The following NEK4 variants were observed in gnomAD, a reference collection of about 807,000 sequenced individuals.
The protein encoded by NEK4 is NIMA related kinase 4, also known as serine/threonine-protein kinase Nek4.
A neutral mutation model predicts 98.4 loss-of-function variants in NEK4; 86 were observed. The observed-to-expected ratio is 0.87, with a 90% CI of 0.73 to 1.05. NEK4 has a LOEUF of 1.05. Ranked by LOEUF, NEK4 falls within the 50% of genes least tolerant of loss-of-function variation. NEK4 has a pLI of 0.00. For missense variants in NEK4, 898 were observed against 950.3 expected (o/e 0.94, Z 0.72); for synonymous variants, 328 against 342.2 (o/e 0.96, Z 0.46).
chr3:52,737,797 T>C, intron 14 of NEK4, 78 bp from the exon 15 acceptor site: 1 of 1,056,262 alleles, frequency 9.5e-7, no homozygotes, highest in East Asian at 2.7e-5. Flanking sequence ...TTTTTTAAAA[T>C]TTTGTATTTT....
chr3:52,753,800 G>T (rs540348865), intron 6 of NEK4: 161 of 495,842 alleles, frequency 3.2e-4, no homozygotes, highest in African/African-American at 2.6e-3. Context: ...GTTATTAGGT[G>T]TCTATGTGCA....
At chr3:52,764,207 A>C (rs1322822455) in intron 4 of NEK4, among the ~76,000 whole-genome samples, 6 of 151,876 alleles carry the variant, frequency 4.0e-5, no homozygotes, top group Non-Finnish European at 8.8e-5. Context: ...GAATTGCTTG[A>C]ACCAGAGAGG....
intron 1 of NEK4, 101 bp from the exon 2 acceptor site, chr3:52,768,705 T>C (rs531742259): frequency 9.9e-7 from 1 of 1,010,242 alleles, no homozygotes; most frequent in African/African-American, 1.6e-5. Context: ...AAACCAACCT[T>C]GTGGAGCCTG....
In NEK4 at chr3:52,746,749, G is replaced by A. The variant is rs2097396733; in HGVS notation, c.1662C>T (p.Arg554=). ...TEHRGEKRQV[R]RDLFAFQESP... ...AATGACTTACAGCAAAGAGATCTCT[G>A]CGGACCTGTCTCTTTTCCCCTCTGT... is the stretch of plus-strand genomic sequence containing the variant. The change falls in exon 9 of 16, where the codon CGC becomes CGT. Residue 554 remains arginine (R), a synonymous_variant. Coordinates refer to ENST00000233027, the MANE Select transcript of NEK4 (RefSeq NM_003157.6). The A allele has an allele frequency of 2.5e-6, 4 of 1,613,280 alleles. No individual in the cohort carries two copies. In the African/African-American group the frequency reaches 4.0e-5, roughly 16 times the overall value.
chr3:52,751,883 T>C, intron 7 of NEK4, 49 bp downstream of exon 7: 1 of 1,536,058 alleles, frequency 6.5e-7, no homozygotes, highest in South Asian at 1.2e-5. Flanking sequence ...GTAACTGCAC[T>C]TTCAGTCTTC....
In NEK4 at chr3:52,739,420, G is replaced by A. The variant is rs570075415; in HGVS notation, c.2299+9C>T. 74 of 1,610,838 alleles carry A rather than the reference G, an allele frequency of 4.6e-5. No individual in the cohort carries two copies. In the East Asian group the frequency reaches 1.4e-3, roughly 31 times the overall value. ...TCTAAAAAACAAAAAATAATAATAAGCTGATCACCTGAAGGTAGCTCTTTA... is the reference window on the plus strand; with the variant it reads ...TCTAAAAAACAAAAAATAATAATAAACTGATCACCTGAAGGTAGCTCTTTA... On this transcript the variant is annotated intron_variant, in intron 14 of 15. Coordinates refer to ENST00000233027, the MANE Select transcript of NEK4 (RefSeq NM_003157.6).
At chr3:52,733,523 C>A in intron 15 of NEK4, 1 of 484,286 alleles carries the variant, frequency 2.1e-6, no homozygotes, top group South Asian at 1.6e-5. Flanking sequence ...GCAGAAAAAC[C>A]TTACACACGT....
chr3:52,722,361 A>G (rs1342753905), intron 15 of NEK4, among the ~76,000 whole-genome samples: 2 of 152,178 alleles, frequency 1.3e-5, no homozygotes, highest in Non-Finnish European at 2.9e-5. Flanking sequence ...GCACACCAGC[A>G]TGGCTGAGCG....
chr3:52,760,740 G>T, intron 6 of NEK4, 55 bp downstream of exon 6: 1 of 1,224,630 alleles, frequency 8.2e-7, no homozygotes, highest in Non-Finnish European at 1.2e-6. Context: ...TGCTTAGATG[G>T]CCCATTTTTC....
intron 15 of NEK4, among the ~76,000 whole-genome samples, chr3:52,730,710 T>A (rs1305359996): frequency 6.6e-6 from 1 of 152,192 alleles, no homozygotes; most frequent in African/African-American, 2.4e-5. Context: ...TATGCAGGAT[T>A]GGTGTTCTTT....
chr3:52,713,469 A>G (rs1398143676), intron 15 of NEK4, among the ~76,000 whole-genome samples: 1 of 68,514 alleles, frequency 1.5e-5, no homozygotes, highest in African/African-American at 3.6e-5. Flanking sequence ...GCTGCAAAAA[A>G]TAAAATAAAC....
chr3:52,766,102 C>G, intron 3 of NEK4, 76 bp downstream of exon 3: 11 of 1,468,640 alleles, frequency 7.5e-6, no homozygotes, highest in Non-Finnish European at 1.0e-5. Flanking sequence ...AGATAATTCT[C>G]TGACTTAATT....
In NEK4 at chr3:52,770,798, A is replaced by G; in HGVS notation, c.-52T>C. ...ATGCGGCGGCAGCGGCGGGTAGGGC[A>G]GCGGGCGGCAACAAGAAGCTCGGTT... On this transcript the variant is annotated 5_prime_UTR_variant, in exon 1 of 16. Coordinates refer to ENST00000233027, the MANE Select transcript of NEK4 (RefSeq NM_003157.6). 1 of 1,481,318 alleles carries G rather than the reference A, an allele frequency of 6.8e-7. No individual in the cohort carries two copies. The highest frequency in any genetic ancestry group is 9.1e-7 in the Non-Finnish European group (1 of 1,093,080). 91.8% of individuals were successfully genotyped at this position (1,481,318 alleles called of 1,614,324 possible).
chr3:52,749,969 A>T (rs1337053509), intron 7 of NEK4, 140 bp from the exon 8 acceptor site: 1 of 152,708 alleles, frequency 6.5e-6, no homozygotes, highest in African/African-American at 2.4e-5. Flanking sequence ...ATGGATGCAG[A>T]TAAACTGGAA....
intron 15 of NEK4, among the ~76,000 whole-genome samples, chr3:52,714,427 C>T (rs2154101795): frequency 6.6e-6 from 1 of 152,330 alleles, no homozygotes; most frequent in East Asian, 1.9e-4. Flanking sequence ...TGCAGAAGAG[C>T]AGTGGCACCA....
rs766749744 is a variant in NEK4, at chr3:52,770,753, A to C, written c.-7T>G. The C allele has an allele frequency of 6.4e-7, 1 of 1,558,094 alleles. No homozygotes were observed. The highest frequency in any genetic ancestry group is 8.7e-7 in the Non-Finnish European group (1 of 1,152,232). On this transcript the variant is annotated 5_prime_UTR_variant, in exon 1 of 16. Coordinates refer to ENST00000233027, the MANE Select transcript of NEK4 (RefSeq NM_003157.6). Reference sequence around the variant, plus strand: ...AGTAGGCGGCCAGGGGCATGTTCCCAGCGCTGGCCCAGAGTCGGGATGCGG... The same window carrying C: ...AGTAGGCGGCCAGGGGCATGTTCCCCGCGCTGGCCCAGAGTCGGGATGCGG...
intron 7 of NEK4, among the ~76,000 whole-genome samples, chr3:52,750,255 A>G (rs2097402873): frequency 6.6e-6 from 1 of 152,132 alleles, no homozygotes; most frequent in African/African-American, 2.4e-5. Context: ...TGGATGAATA[A>G]AATATATATA....
chr3:52,728,147 C>T (rs534019899), intron 15 of NEK4, among the ~76,000 whole-genome samples: 17 of 152,260 alleles, frequency 1.1e-4, no homozygotes, highest in East Asian at 9.6e-4. Flanking sequence ...CTTACACAGG[C>T]GGATCACTTG....
rs189287859 is a variant in NEK4, at chr3:52,749,729, C to T, written c.1469G>A (p.Arg490Gln). 1.6e-3 allele frequency: 359 copies of T among 224,002 alleles called. 1 individual carries two copies. The highest frequency in any genetic ancestry group is 0.011 in the Admixed American group (207 of 18,230). The allele number at this position is 224,002 out of a possible 1,614,324, so 13.9% of individuals were successfully genotyped here. The change falls in exon 8 of 16, where the codon CGA (arginine) becomes CAA (glutamine). Residue 490 changes from arginine (R) to glutamine (Q), a missense_variant. Transcript: ENST00000233027. ...GSSDSPASAS[R>Q]VAGITGVCHH... ...GCACACGCCTGTAATCCCAGCTACT[C>T]GGGAGGCTGAGGCTGGAGAATCACT...
Sources: allele counts gnomAD v4.1 joint callset (sites outside exome capture counted in the v4.1 genomes callset), GRCh38; gene constraint gnomAD v4.1.1; transcripts MANE v1.5; gene names NCBI Gene and HGNC (gene_info 2026-07-23, HGNC 2026-07-21).